Variants in SMARCD3 observed in about 807,000 individuals in gnomAD.
SMARCD3 encodes SWI/SNF-related matrix-associated actin-dependent regulator of chromatin subfamily D member 3.
SMARCD3 carries 14 observed loss-of-function variants against 58.0 expected under a neutral mutation model. The ratio of observed to expected loss-of-function variants is 0.24; its 90% confidence interval spans 0.16 to 0.38. The LOEUF (loss-of-function observed/expected upper bound fraction) is 0.38, where lower values mean the gene tolerates loss of function less well. SMARCD3 is among the 10% of genes least tolerant of loss of function. The probability of loss-of-function intolerance (pLI) is 1.00; values close to 1 mark genes in which losing one functional copy is unlikely to be tolerated. For synonymous variants in SMARCD3, 253 were observed against 253.8 expected (o/e 1.00, Z 0.03); for missense variants, 408 against 636.9 (o/e 0.64, Z 3.87).
intron 2 of SMARCD3, among the ~76,000 whole-genome samples, chr7:151,258,363 G>T (rs376234587): frequency 6.6e-6 from 1 of 151,998 alleles, no homozygotes; most frequent in Non-Finnish European, 1.5e-5. Context: ...TCAGGAGTTC[G>T]AGAGCAGCCT....
chr7:151,275,264 G>A, intron 1 of SMARCD3: 1 of 904,882 alleles, frequency 1.1e-6, no homozygotes, highest in East Asian at 2.6e-5. Flanking sequence ...GAAAGGAGAG[G>A]TCAGACCCTG....
Position 151,271,597 on chromosome 7 carries a change from A to G in SMARCD3, c.39+3517T>C, listed in dbSNP as rs534107073. The stretch of plus-strand genomic sequence containing the variant: ...GAATGTGACTCTGTACTTAATTTCC[A>G]ATTTTAAATAAACCTTCCTGCTGCC... On this transcript the variant is annotated intron_variant, in intron 2 of 13. Coordinates refer to the SMARCD3 transcript ENST00000356800. Among the ~76,000 whole-genome samples the G allele has an allele frequency of 9.8e-4, 149 of 152,180 alleles. 1 individual carries two copies. Among genetic ancestry groups the G allele is most frequent in the South Asian group, 1.7e-3 (8 of 4,818 alleles).
rs1795306026 is a variant in SMARCD3 at position 151,275,252 on chromosome 7, C to T, written c.-99-1G>A. ...CAGCACCAAGGGCCATTCTGAGGATCTGAAAGGAGAGGTCAGACCCTGAGC... is the reference window on the plus strand; with the variant it reads ...CAGCACCAAGGGCCATTCTGAGGATTTGAAAGGAGAGGTCAGACCCTGAGC... On this transcript the variant is annotated splice_acceptor_variant, in intron 1 of 13. Transcript: ENST00000356800. LOFTEE classifies it low-confidence loss of function (5UTR_SPLICE). 2 of 1,030,924 alleles carry T rather than the reference C, an allele frequency of 1.9e-6. No homozygotes were observed. Among genetic ancestry groups the T allele is most frequent in the African/African-American group, 1.6e-5 (1 of 64,018 alleles). The allele number at this position is 1,030,924 out of a possible 1,614,324, so 63.9% of individuals were successfully genotyped here.
At chr7:151,251,899 C>T (rs1001382235), upstream of SMARCD3, among the ~76,000 whole-genome samples, 52 of 146,574 alleles carry the variant, frequency 3.5e-4, no homozygotes, top group African/African-American at 1.2e-3. Context: ...GGGCGGCGGC[C>T]GGGGAGCTGG....
At chr7:151,249,568 A>C (rs1310399683), upstream of SMARCD3, 2 of 146,322 alleles carry the variant, frequency 1.4e-5, no homozygotes, top group Admixed American at 1.4e-4. The surrounding 1 kb of genome is among the most constrained non-coding windows in gnomAD (Gnocchi z 4.8). Context: ...AAGAGAATGA[A>C]TGTGGGGAAT....
intron 1 of SMARCD3, among the ~76,000 whole-genome samples, chr7:151,247,437 A>T (rs538096283): frequency 1.5e-3 from 235 of 152,132 alleles, no homozygotes; most frequent in Admixed American, 2.8e-3. Context: ...CCAGTTATCA[A>T]GGCCAGGGAT....
chr7:151,244,141 G>A (rs959465431), intron 2 of SMARCD3, among the ~76,000 whole-genome samples: 1 of 152,154 alleles, frequency 6.6e-6, no homozygotes, highest in Non-Finnish European at 1.5e-5. Flanking sequence ...GGAGAGAGAC[G>A]AACTCCTTCC....
chr7:151,259,601 G>GTTTTTTTGTTTTTTTTT (rs1563682311), intron 2 of SMARCD3, among the ~76,000 whole-genome samples: 2 of 70,528 alleles, frequency 2.8e-5, no homozygotes, highest in African/African-American at 1.2e-4. Context: ...CAACCTGAGA[G>GTTTTTTTGTTTTTTTTT]TTTTTTTTTT....
chr7:151,275,221 C>T (rs563380485), exon 2 of SMARCD3: 33 of 1,367,264 alleles, frequency 2.4e-5, no homozygotes, highest in East Asian at 1.6e-4. Context: ...GAGCCCACCG[C>T]GCCTGCAGCA....
In SMARCD3 at chr7:151,242,012, G is replaced by A. The variant is rs759093476; in HGVS notation, c.676-34C>T. 3 of 1,586,678 alleles carry A rather than the reference G, an allele frequency of 1.9e-6. No individual in the cohort carries two copies. The highest frequency in any genetic ancestry group is 2.6e-6 in the Non-Finnish European group (3 of 1,157,250). ...GAGAGAAGAGCTGTGTCTCCCAAAG[G>A]CCCATCTGGAGTGGTGGGGCCCAGG... On this transcript the variant is annotated intron_variant, in intron 6 of 12. Transcript: ENST00000262188. The surrounding 1 kb of genome is among the most constrained non-coding windows in gnomAD (Gnocchi z 4.7).
chr7:151,273,935 G>A lies in SMARCD3; in HGVS notation c.39+1179C>T, dbSNP rs1018047847. Among the ~76,000 whole-genome samples the A allele has an allele frequency of 3.3e-5, 5 of 152,258 alleles. No individual in the cohort carries two copies. The East Asian group carries it at 5.8e-4, about 18-fold the overall frequency. On this transcript the variant is annotated intron_variant, in intron 2 of 13. Transcript: ENST00000356800. ...GGGGCTGTCCCTGGCCTTCAGAGCA[G>A]CCTGGCAGGAGGATGAGTTCCTCTG...
Position 151,248,438 on chromosome 7 carries a change from C to A in SMARCD3, c.78+47G>T. ...CCCTCCCGATCAGCCCTCCATTCAGCCCGAGCCAGCTCGCTTGCCCTCCCC... is the reference window on the plus strand; with the variant it reads ...CCCTCCCGATCAGCCCTCCATTCAGACCGAGCCAGCTCGCTTGCCCTCCCC... On this transcript the variant is annotated intron_variant, in intron 1 of 12. Transcript: ENST00000262188. The surrounding 1 kb of genome is among the most constrained non-coding windows in gnomAD (Gnocchi z 6.1). The A allele has an allele frequency of 2.0e-6, 3 of 1,534,452 alleles. No homozygotes were observed. The highest frequency in any genetic ancestry group is 2.7e-6 in the Non-Finnish European group (3 of 1,111,594).
chr7:151,274,431 TGAG>T (rs1795277100), intron 2 of SMARCD3, among the ~76,000 whole-genome samples: 1 of 152,252 alleles, frequency 6.6e-6, no homozygotes, highest in East Asian at 1.9e-4. Flanking sequence ...TCTCACTCCT[TGAG>T]GAGGAGGCTT....
rs1455150987 is a variant in SMARCD3 at position 151,248,579 on chromosome 7, G to A, written c.-17C>T. The A allele has an allele frequency of 1.2e-6, 2 of 1,613,270 alleles. No homozygotes were observed. The highest frequency in any genetic ancestry group is 1.7e-5 in the Admixed American group (1 of 59,982). On this transcript the variant is annotated 5_prime_UTR_variant, in exon 1 of 13. Transcript: ENST00000262188. This position sits in a 1 kb window ranked among gnomAD's most constrained non-coding sequence, Gnocchi z 6.1. ...CGCGGCCATCGGGGTGGGCTCAGCG[G>A]CTCCTCTCACTCTCTCTCTCTCTTC... is the stretch of plus-strand genomic sequence containing the variant.
Position 151,245,562 on chromosome 7 carries a change from G to A in SMARCD3, c.188C>T (p.Ala63Val). The stretch of plus-strand genomic sequence containing the variant: ...TCGCTTGCGGGCGGGCTCCATGCCC[G>A]CGGGGGCCAGGCCGGGTCGCACGGC... The part of the protein sequence containing the change: ...SPAVRPGLAP[A>V]GMEPARKRAA... Residue 63 changes from alanine (A) to valine (V), a missense_variant, in exon 2 of 13, where the codon GCG becomes GTG. This residue lies in a region of SMARCD3 where 128 missense variants were observed against 188.8 expected (regional missense o/e 0.68). Transcript: ENST00000262188. The surrounding 1 kb of genome is among the most constrained non-coding windows in gnomAD (Gnocchi z 6.2). The A allele has an allele frequency of 8.5e-7, 1 of 1,180,600 alleles. No homozygotes were observed. Among genetic ancestry groups the A allele is most frequent in the African/African-American group, 1.6e-5 (1 of 63,394 alleles). 73.1% of individuals were successfully genotyped at this position (1,180,600 alleles called of 1,614,324 possible).
At chr7:151,260,742 G>A (rs1803890866) in intron 2 of SMARCD3, among the ~76,000 whole-genome samples, 1 of 152,184 alleles carries the variant, frequency 6.6e-6, no homozygotes, top group Admixed American at 6.5e-5. Flanking sequence ...GTGCCACTTG[G>A]TGCTAGGTTT....
chr7:151,275,886 C>T lies in SMARCD3; in HGVS notation c.-99-635G>A, dbSNP rs1015791092. The stretch of plus-strand genomic sequence containing the variant: ...TGGGGCATGGGAGCTAAGAAGAGAG[C>T]AGTGCTGTAGGAGCGGGGTGTGGGT... On this transcript the variant is annotated intron_variant, in intron 1 of 13. Coordinates refer to the SMARCD3 transcript ENST00000356800. Among the ~76,000 whole-genome samples, 4 of 152,206 alleles carry T rather than the reference C, an allele frequency of 2.6e-5. No homozygotes were observed. In the East Asian group the frequency reaches 7.7e-4, roughly 29 times the overall value.
At chr7:151,252,877 C>T (rs558094363), upstream of SMARCD3, among the ~76,000 whole-genome samples, 1 of 152,336 alleles carries the variant, frequency 6.6e-6, no homozygotes, top group East Asian at 1.9e-4. Flanking sequence ...ATCAAGGGGG[C>T]TGTCTCTCTG....
intron 1 of SMARCD3, among the ~76,000 whole-genome samples, chr7:151,276,321 G>A (rs937431437): frequency 6.9e-6 from 1 of 144,446 alleles, no homozygotes; most frequent in African/African-American, 2.6e-5. Context: ...AGGAGGGAAG[G>A]TGCCAGACAG....
Sources: allele counts gnomAD v4.1 joint callset (sites outside exome capture counted in the v4.1 genomes callset), GRCh38; gene constraint gnomAD v4.1.1; regional missense constraint gnomAD v4.1.1; non-coding constraint Gnocchi (gnomAD v3.1); transcripts MANE v1.5; gene names NCBI Gene and HGNC (gene_info 2026-07-23, HGNC 2026-07-21).